The following SEPTIN9 variants were observed in gnomAD, a reference collection of about 807,000 sequenced individuals.
The protein encoded by SEPTIN9 is septin 9, also known as septin-9.
SEPTIN9 carries 13 observed loss-of-function variants against 56.6 expected under a neutral mutation model. The observed-to-expected ratio is 0.23, with a 90% CI of 0.15 to 0.37. The LOEUF (loss-of-function observed/expected upper bound fraction) is 0.37. Ranked by LOEUF, SEPTIN9 falls within the 10% of genes least tolerant of loss-of-function variation. SEPTIN9 has a pLI of 1.00. For missense variants in SEPTIN9, 650 were observed against 823.1 expected (o/e 0.79, Z 2.57); for synonymous variants, 332 against 334.1 (o/e 0.99, Z 0.07).
intron 10 of SEPTIN9, chr17:77,493,368 T>C (rs1393787886): frequency 6.6e-6 from 3 of 456,874 alleles, no homozygotes; most frequent in East Asian, 8.4e-5. Context: ...GGCTCTTTCA[T>C]AGGCACCTGT....
chr17:77,427,595 G>A (rs550730941), intron 3 of SEPTIN9, among the ~76,000 whole-genome samples: 10 of 152,312 alleles, frequency 6.6e-5, no homozygotes, highest in South Asian at 2.1e-4. Flanking sequence ...GATGGGATCC[G>A]AGGCCGGGAA....
chr17:77,404,198 T>C (rs558840803), intron 3 of SEPTIN9, among the ~76,000 whole-genome samples: 2 of 152,210 alleles, frequency 1.3e-5, no homozygotes, highest in Admixed American at 6.5e-5. Context: ...GGTGGACCCT[T>C]GGGTTGCTTC....
chr17:77,458,371 G>A (rs1011410049), intron 3 of SEPTIN9, among the ~76,000 whole-genome samples: 1 of 152,214 alleles, frequency 6.6e-6, no homozygotes, highest in Non-Finnish European at 1.5e-5. Context: ...CCCCGGCACC[G>A]CCGCTGTCCT....
intron 2 of SEPTIN9, among the ~76,000 whole-genome samples, chr17:77,365,312 TTCTC>T (rs111523716): frequency 6.6e-6 from 1 of 152,042 alleles, no homozygotes; most frequent in Non-Finnish European, 1.5e-5. Flanking sequence ...TTGTACCTCT[TTCTC>T]TCTCTTTCTC....
At chr17:77,336,421 AT>A (rs1456228845) in intron 2 of SEPTIN9, among the ~76,000 whole-genome samples, 2 of 152,194 alleles carry the variant, frequency 1.3e-5, no homozygotes, top group Non-Finnish European at 2.9e-5. Flanking sequence ...CTGAAAAAAA[AT>A]CTCTACAGAA....
chr17:77,466,219 C>T (rs1014679807), intron 3 of SEPTIN9, among the ~76,000 whole-genome samples: 5 of 152,232 alleles, frequency 3.3e-5, no homozygotes, highest in Admixed American at 2.0e-4. Flanking sequence ...CCCAGCCAGC[C>T]GGTAGGCAGT....
intron 2 of SEPTIN9, among the ~76,000 whole-genome samples, chr17:77,332,658 A>C (rs992708221): frequency 1.3e-5 from 2 of 152,192 alleles, no homozygotes; most frequent in African/African-American, 4.8e-5. Flanking sequence ...CTATCACCCC[A>C]GTAAGTTCCT....
Position 77,475,368 on chromosome 17 carries a change from G to A in SEPTIN9, c.722-6776G>A. 1 of 1,437,060 alleles carries A rather than the reference G, an allele frequency of 7.0e-7. No homozygotes were observed. Among genetic ancestry groups the A allele is most frequent in the Non-Finnish European group, 9.1e-7 (1 of 1,101,282 alleles). 89.0% of individuals were successfully genotyped at this position (1,437,060 alleles called of 1,614,324 possible). A position where few individuals can be genotyped will look rare whatever the true frequency, so the allele number is the denominator to read the frequency against. On this transcript the variant is annotated intron_variant, in intron 3 of 11. Coordinates refer to ENST00000427177, the MANE Select transcript of SEPTIN9 (RefSeq NM_001113491.2). This position sits in a 1 kb window ranked among gnomAD's most constrained non-coding sequence, Gnocchi z 4.6. The stretch of plus-strand genomic sequence containing the variant: ...AGCAGGGATCTGAAGGACTTTGCAG[G>A]CACCCAGGGAGATAGGAGAGGAGGA...
chr17:77,402,216 G>A lies in SEPTIN9; in HGVS notation c.234G>A (p.Val78=). The A allele has an allele frequency of 6.2e-7, 1 of 1,613,580 alleles. No individual in the cohort carries two copies. Among genetic ancestry groups the A allele is most frequent in the Non-Finnish European group, 8.5e-7 (1 of 1,179,864 alleles). The change falls in exon 3 of 12, where the codon GTG becomes GTA. Residue 78 remains valine (V), a synonymous_variant. Transcript: ENST00000427177. The surrounding 1 kb of genome is among the most constrained non-coding windows in gnomAD (Gnocchi z 6.6). Reference sequence around the variant, plus strand: ...ACTCAGAACCCTCGGCCCGCCATGTGGACTCCCTAAGCCAACGCTCCCCCA... The same window carrying A: ...ACTCAGAACCCTCGGCCCGCCATGTAGACTCCCTAAGCCAACGCTCCCCCA... The part of the protein sequence containing the change: ...VKNSEPSARH[V]DSLSQRSPKA...
intron 1 of SEPTIN9, among the ~76,000 whole-genome samples, chr17:77,304,456 T>C (rs2032182367): frequency 6.6e-6 from 1 of 152,226 alleles, no homozygotes; most frequent in Admixed American, 6.5e-5. Context: ...GGCCAGCATG[T>C]TTCCTACGGA....
At chr17:77,297,320 C>G (rs1476695821) in intron 1 of SEPTIN9, among the ~76,000 whole-genome samples, 1 of 152,148 alleles carries the variant, frequency 6.6e-6, no homozygotes, top group Non-Finnish European at 1.5e-5. Flanking sequence ...CATCCCACCT[C>G]CAGGAGAAAG....
chr17:77,313,210 A>AGG lies in SEPTIN9; in HGVS notation c.76+6014_76+6015insGG, dbSNP rs2032573408. 1.3e-5 allele frequency among the ~76,000 whole-genome samples: 2 copies of AGG among 152,222 alleles called. No individual in the cohort carries two copies. Among genetic ancestry groups the AGG allele is most frequent in the African/African-American group, 4.8e-5 (2 of 41,468 alleles). On this transcript the variant is annotated intron_variant, in intron 2 of 11. Transcript: ENST00000427177. This position sits in a 1 kb window ranked among gnomAD's most constrained non-coding sequence, Gnocchi z 4.5. Reference sequence around the variant, plus strand: ...CAGACCTCCCTCGCTCTGCAGGGGCAGTCGGGGGCCCCCTCTAGGAATGGA... The same window carrying AGG: ...CAGACCTCCCTCGCTCTGCAGGGGCAGGGTCGGGGGCCCCCTCTAGGAATGGA...
chr17:77,383,715 AG>A (rs2035230758), intron 2 of SEPTIN9, among the ~76,000 whole-genome samples: 1 of 152,072 alleles, frequency 6.6e-6, no homozygotes, highest in African/African-American at 2.4e-5. Context: ...GGGTGCACGG[AG>A]GGGCTGAGCG....
rs1274619553 is a variant in SEPTIN9, at chr17:77,482,184, C to T, written c.762C>T (p.Asp254=). The change falls in exon 4 of 12, where the codon GAC becomes GAT. Residue 254 remains aspartate, a synonymous_variant. Transcript: ENST00000427177. Reference sequence around the variant, plus strand: ...CCAGCTGCGTTGGCGACATGGCCGACACCCCCAGAGATGCCGGGCTCAAGC... The same window carrying T: ...CCAGCTGCGTTGGCGACATGGCCGATACCCCCAGAGATGCCGGGCTCAAGC... ...AAPSCVGDMA[D]TPRDAGLKQA... 4 of 1,606,140 alleles carry T rather than the reference C, an allele frequency of 2.5e-6. No individual in the cohort carries two copies. In the Admixed American group the frequency reaches 6.8e-5, roughly 27 times the overall value.
intron 2 of SEPTIN9, chr17:77,376,308 T>C: frequency 1.0e-6 from 1 of 985,968 alleles, no homozygotes; most frequent in Non-Finnish European, 1.2e-6. Flanking sequence ...GGGAAGCATC[T>C]GGAGTGGCTG....
At chr17:77,469,301 A>C (rs2144553396) in intron 3 of SEPTIN9, 1 of 153,034 alleles carries the variant, frequency 6.5e-6, no homozygotes, top group Non-Finnish European at 1.5e-5. Flanking sequence ...ATAGCCAGAG[A>C]CAGGAGGAAG....
In SEPTIN9 at chr17:77,492,867, T is replaced by G; in HGVS notation, c.1477-113T>G. ...GTGTCTGTACCCAGTGCTGTCAGGC[T>G]GAGGCTCTCGTTTTTGGGGGACCCC... On this transcript the variant is annotated intron_variant, in intron 9 of 11. Coordinates refer to ENST00000427177, the MANE Select transcript of SEPTIN9 (RefSeq NM_001113491.2). The surrounding 1 kb of genome is among the most constrained non-coding windows in gnomAD (Gnocchi z 5.4). The G allele has an allele frequency of 8.2e-7, 1 of 1,225,746 alleles. No individual in the cohort carries two copies. Among genetic ancestry groups the G allele is most frequent in the South Asian group, 1.2e-5 (1 of 81,074 alleles). 75.9% of individuals were successfully genotyped at this position (1,225,746 alleles called of 1,614,324 possible).
intron 3 of SEPTIN9, among the ~76,000 whole-genome samples, chr17:77,403,557 C>T (rs1001694826): frequency 3.3e-5 from 5 of 152,158 alleles, no homozygotes; most frequent in Admixed American, 2.0e-4. Flanking sequence ...TGGTTGGGTC[C>T]CTTCTCAGAA....
intron 3 of SEPTIN9, among the ~76,000 whole-genome samples, chr17:77,479,657 A>C (rs1449380475): frequency 6.6e-6 from 1 of 152,156 alleles, no homozygotes; most frequent in Non-Finnish European, 1.5e-5. Context: ...GGAGGGACCC[A>C]GCTGCAGCTG....
Sources: gnomAD v4.1 joint callset for allele counts (sites outside exome capture counted in the v4.1 genomes callset) on GRCh38, gnomAD v4.1.1 for gene constraint, Gnocchi (gnomAD v3.1) non-coding constraint, MANE v1.5 for transcripts, NCBI Gene and HGNC (gene_info 2026-07-23, HGNC 2026-07-21) for gene names.